The following PTK6 variants were observed in gnomAD, a reference collection of about 807,000 sequenced individuals.
PTK6 encodes the protein protein tyrosine kinase 6, also known as protein-tyrosine kinase 6.
Under a neutral mutation model 47.5 loss-of-function variants are expected in PTK6, and 47 were observed. The ratio of observed to expected loss-of-function variants is 0.99; its 90% CI spans 0.78 to 1.26. The LOEUF is 1.26. PTK6 is among the 50% of genes most tolerant of loss of function. PTK6 has a pLI of 0.00. For synonymous variants in PTK6, 287 were observed against 276.5 expected (o/e 1.04, Z -0.38); for missense variants, 618 against 625.3 (o/e 0.99, Z 0.12).
intron 5 of PTK6, among the ~76,000 whole-genome samples, chr20:63,531,614 C>CA (rs111459656): frequency 0.16 from 18,720 of 120,384 alleles, 2,760 homozygotes; most frequent in African/African-American, 0.38. Context: ...GACTCCGTCT[C>CA]AAAAAAAAAA....
At chr20:63,534,058 C>A in intron 3 of PTK6, 94 bp downstream of exon 3, 1 of 1,425,380 alleles carries the variant, frequency 7.0e-7, no homozygotes, top group Non-Finnish European at 9.3e-7. Context: ...CAGGACCCCT[C>A]CCATGCTGCC....
At chr20:63,532,951 A>G (rs6011879) in intron 4 of PTK6, among the ~76,000 whole-genome samples, 19,804 of 152,200 alleles carry the variant, frequency 0.13, 4,099 homozygotes, top group African/African-American at 0.44. Flanking sequence ...GACCTCTGAC[A>G]TAGAGGCCAG....
In PTK6 at chr20:63,537,188, G is replaced by A. The variant is rs533250243; in HGVS notation, c.127C>T (p.Gln43Ter). 2.8e-5 allele frequency: 45 copies of A among 1,612,328 alleles called. No individual in the cohort carries two copies. In the South Asian group the frequency reaches 4.4e-4, roughly 16 times the overall value. Reference protein sequence around the residue: ...DVFHVARKEEQWWWATLLDEA... With the variant: ...DVFHVARKEE ...TCCAGCAGCGTGGCCCACCACCACT[G>A]CTCCTCCTTCCTGGCCACGTGGAAG... Residue 43 changes from glutamine (Q) to a stop codon, truncating the protein, a stop_gained, in exon 1 of 8, where the codon CAG becomes TAG. Transcript: ENST00000542869. LOFTEE classifies it high-confidence loss of function.
chr20:63,536,474 G>C (rs2082668442), intron 1 of PTK6, among the ~76,000 whole-genome samples: 1 of 150,826 alleles, frequency 6.6e-6, no homozygotes, highest in Admixed American at 6.6e-5. Context: ...ACACACAGTG[G>C]GTGCCCAATC....
In PTK6 at chr20:63,533,965, C is replaced by T. The variant is rs1366796682; in HGVS notation, c.516+187G>A. Among the ~76,000 whole-genome samples the T allele has an allele frequency of 2.0e-5, 3 of 152,176 alleles. No homozygotes were observed. Among genetic ancestry groups the T allele is most frequent in the African/African-American group, 2.4e-5 (1 of 41,428 alleles). On this transcript the variant is annotated intron_variant, in intron 3 of 7. Coordinates refer to ENST00000542869, the MANE Select transcript of PTK6 (RefSeq NM_005975.4). The surrounding 1 kb of genome is among the most constrained non-coding windows in gnomAD (Gnocchi z 4.0). ...GAGTGGCCAGGCCCGGGGATGGTCT[C>T]CTGGCCCCACCCCCAACTCAGGCAA... is the stretch of plus-strand genomic sequence containing the variant.
intron 2 of PTK6, 93 bp from the exon 3 acceptor site, chr20:63,534,408 G>C (rs2082648584): frequency 1.4e-6 from 2 of 1,434,408 alleles, no homozygotes; most frequent in Non-Finnish European, 1.8e-6. Flanking sequence ...AGAGTTTCTG[G>C]GTCCCCACAG....
intron 4 of PTK6, 55 bp from the exon 5 acceptor site, chr20:63,532,742 G>A (rs1032891563): frequency 3.8e-5 from 61 of 1,588,628 alleles, no homozygotes; most frequent in Non-Finnish European, 2.5e-5. Context: ...AGGCCCCAAG[G>A]AAGAGGCCAA....
Position 63,529,382 on chromosome 20 carries a change from G to A in PTK6, c.*154C>T, listed in dbSNP as rs1253503924. ...ATGGAGTAAGGAGAGGAGCACACGC[G>A]TGTATTGGACGCAGACACTCCACAT... is the stretch of plus-strand genomic sequence containing the variant. On this transcript the variant is annotated 3_prime_UTR_variant, in exon 8 of 8. Transcript: ENST00000542869. The surrounding 1 kb of genome is among the most constrained non-coding windows in gnomAD (Gnocchi z 5.6). 4.2e-5 allele frequency: 34 copies of A among 806,558 alleles called. No homozygotes were observed. The Middle Eastern group carries it at 1.7e-3, about 41-fold the overall frequency. The allele number at this position is 806,558 out of a possible 1,614,324, so 50.0% of individuals were successfully genotyped here.
chr20:63,537,009 CA>C, intron 1 of PTK6, 75 bp downstream of exon 1: 1 of 1,439,868 alleles, frequency 6.9e-7, no homozygotes, highest in Non-Finnish European at 9.4e-7. Context: ...CCTCCCTGAG[CA>C]GCCCAGAGCC....
At chr20:63,532,296 TGTG>T (rs1156770106) in intron 5 of PTK6, among the ~76,000 whole-genome samples, 2 of 124,678 alleles carry the variant, frequency 1.6e-5, no homozygotes, top group East Asian at 3.9e-4. Flanking sequence ...TGATGTGTCT[TGTG>T]TGTGTGTCTG....
intron 5 of PTK6, 147 bp downstream of exon 5, chr20:63,532,379 C>CTCTG (rs2082631085): frequency 4.0e-6 from 4 of 996,210 alleles, no homozygotes; most frequent in Non-Finnish European, 5.6e-6. Flanking sequence ...CTCTGTGTGT[C>CTCTG]TGTGTCTGTG....
In PTK6 at chr20:63,529,967, G is replaced by T. The variant is rs1026386292; in HGVS notation, c.1168+111C>A. On this transcript the variant is annotated intron_variant, in intron 7 of 7. Transcript: ENST00000542869. This position sits in a 1 kb window ranked among gnomAD's most constrained non-coding sequence, Gnocchi z 5.6. Reference sequence around the variant, plus strand: ...AGGTGTGGAGTTCAGGCGATGGCCCGCGGAGGGCCCTGAAGCCCGTGGGGG... The same window carrying T: ...AGGTGTGGAGTTCAGGCGATGGCCCTCGGAGGGCCCTGAAGCCCGTGGGGG... 2.2e-6 allele frequency: 3 copies of T among 1,362,872 alleles called. No individual in the cohort carries two copies. The highest frequency in any genetic ancestry group is 3.0e-6 in the Non-Finnish European group (3 of 999,286). 84.4% of individuals were successfully genotyped at this position (1,362,872 alleles called of 1,614,324 possible). A position where few individuals can be genotyped will look rare whatever the true frequency, so the allele number is the denominator to read the frequency against.
chr20:63,530,318 C>G lies in PTK6; in HGVS notation c.1015-87G>C, dbSNP rs2082608023. 5 of 1,526,776 alleles carry G rather than the reference C, an allele frequency of 3.3e-6. No individual in the cohort carries two copies. Among genetic ancestry groups the G allele is most frequent in the Non-Finnish European group, 4.5e-6 (5 of 1,118,040 alleles). 94.6% of individuals were successfully genotyped at this position (1,526,776 alleles called of 1,614,324 possible). A position where few individuals can be genotyped will look rare whatever the true frequency, so the allele number is the denominator to read the frequency against. The stretch of plus-strand genomic sequence containing the variant: ...GGACGGGCACAGCGGCCGCATTGCC[C>G]CAGCAGTGGGACGGTGATGACCCCA... On this transcript the variant is annotated intron_variant, in intron 6 of 7. Transcript: ENST00000542869. The surrounding 1 kb of genome is among the most constrained non-coding windows in gnomAD (Gnocchi z 4.1).
intron 1 of PTK6, 93 bp from the exon 2 acceptor site, chr20:63,535,152 C>T: frequency 3.4e-6 from 5 of 1,450,790 alleles, no homozygotes; most frequent in Non-Finnish European, 4.6e-6. Flanking sequence ...ACCCCAGCCG[C>T]CCTTGCCTGC....
At position 63,529,342 on chromosome 20, in the gene PTK6, C is replaced by T. The variant is rs2082600163; in HGVS notation, c.*194G>A. The T allele has an allele frequency of 2.7e-5, 16 of 594,444 alleles. No homozygotes were observed. The East Asian group carries it at 5.5e-4, about 20-fold the overall frequency. 36.8% of individuals were successfully genotyped at this position (594,444 alleles called of 1,614,324 possible). A position where few individuals can be genotyped will look rare whatever the true frequency, so the allele number is the denominator to read the frequency against. ...GCAGGCTGCGTGTCAGCAGCTGAGACCCAAGGCACACACGATGGAGTAAGG... is the reference window on the plus strand; with the variant it reads ...GCAGGCTGCGTGTCAGCAGCTGAGATCCAAGGCACACACGATGGAGTAAGG... On this transcript the variant is annotated 3_prime_UTR_variant, in exon 8 of 8. Transcript: ENST00000542869. The surrounding 1 kb of genome is among the most constrained non-coding windows in gnomAD (Gnocchi z 5.6).
chr20:63,531,455 T>A (rs2082620105), intron 5 of PTK6, among the ~76,000 whole-genome samples: 4 of 113,404 alleles, frequency 3.5e-5, no homozygotes, highest in Admixed American at 1.0e-4. Flanking sequence ...TATATATATA[T>A]ATATATATAA....
At position 63,533,129 on chromosome 20, in the gene PTK6, G is replaced by A. The variant is rs424641; in HGVS notation, c.670+422C>T. ...GTCGCCCAGGCTGGAGTGCAATGGC[G>A]CGATCTCAGCTCACTGCAATCTCCG... is the stretch of plus-strand genomic sequence containing the variant. On this transcript the variant is annotated intron_variant, in intron 4 of 7. Transcript: ENST00000542869. This position sits in a 1 kb window ranked among gnomAD's most constrained non-coding sequence, Gnocchi z 4.0. 2.0e-5 allele frequency among the ~76,000 whole-genome samples: 3 copies of A among 150,916 alleles called. No homozygotes were observed. Among genetic ancestry groups the A allele is most frequent in the South Asian group, 2.1e-4 (1 of 4,774 alleles).
chr20:63,535,440 G>T (rs1412119875), intron 1 of PTK6, among the ~76,000 whole-genome samples: 1 of 151,002 alleles, frequency 6.6e-6, no homozygotes, highest in Non-Finnish European at 1.5e-5. Context: ...CCACACATGC[G>T]CACAGTTCAC....
At chr20:63,536,952 G>C (rs2082674253) in intron 1 of PTK6, 133 bp downstream of exon 1, 1 of 966,334 alleles carries the variant, frequency 1.0e-6, no homozygotes, top group East Asian at 2.6e-5. Context: ...GCCCAGCCTG[G>C]ACTTTGGGGT....
Sources: gnomAD v4.1 joint callset for allele counts (sites outside exome capture counted in the v4.1 genomes callset) on GRCh38, gnomAD v4.1.1 for gene constraint, Gnocchi (gnomAD v3.1) non-coding constraint, MANE v1.5 for transcripts, NCBI Gene and HGNC (gene_info 2026-07-23, HGNC 2026-07-21) for gene names.